The following PDE7B variants were observed in gnomAD, a reference collection of about 807,000 sequenced individuals.
PDE7B encodes the protein 3',5'-cyclic-AMP phosphodiesterase 7B.
In PDE7B, 29 loss-of-function variants were observed where a neutral mutation model predicts 56.2. That is an observed-to-expected ratio of 0.52 (90% confidence interval 0.38 to 0.70). The LOEUF is 0.70. PDE7B is among the 30% of genes least tolerant of loss of function. The pLI is 0.00. For missense variants in PDE7B, 490 were observed against 565.0 expected (o/e 0.87, Z 1.35); for synonymous variants, 197 against 196.9 (o/e 1.00, Z 0.00).
chr6:136,027,364 T>A (rs1349029787), intron 2 of PDE7B, among the ~76,000 whole-genome samples: 2 of 152,224 alleles, frequency 1.3e-5, no homozygotes, highest in Non-Finnish European at 2.9e-5. Flanking sequence ...AGGAACACAG[T>A]AACAACTCAC....
At chr6:135,982,823 G>T (rs1775318646) in intron 2 of PDE7B, among the ~76,000 whole-genome samples, 1 of 152,014 alleles carries the variant, frequency 6.6e-6, no homozygotes, top group South Asian at 2.1e-4. Flanking sequence ...CTGGCTCCTG[G>T]ATACTCATCA....
intron 3 of PDE7B, among the ~76,000 whole-genome samples, chr6:136,118,933 C>T (rs114939992): frequency 0.023 from 3,455 of 152,150 alleles, 160 homozygotes; most frequent in African/African-American, 0.077. Context: ...TCTAATATTC[C>T]TGCCACTCTG....
At chr6:135,853,591 T>A (rs1432266791) in intron 1 of PDE7B, among the ~76,000 whole-genome samples, 1 of 152,182 alleles carries the variant, frequency 6.6e-6, no homozygotes, top group Non-Finnish European at 1.5e-5. Flanking sequence ...TAGTTGCAAC[T>A]CCAAAAACTG....
chr6:136,163,918 T>C (rs952591272), intron 8 of PDE7B, among the ~76,000 whole-genome samples: 3 of 152,222 alleles, frequency 2.0e-5, no homozygotes, highest in Non-Finnish European at 2.9e-5. Context: ...GGCAAAGCCA[T>C]ACAACAAGTC....
At chr6:136,119,566 G>A (rs1470973068) in intron 3 of PDE7B, among the ~76,000 whole-genome samples, 1 of 152,170 alleles carries the variant, frequency 6.6e-6, no homozygotes, top group East Asian at 1.9e-4. Context: ...AGCTATGTAA[G>A]CTACTTTGCT....
At chr6:136,179,817 T>C (rs1779034803) in intron 10 of PDE7B, among the ~76,000 whole-genome samples, 5 of 152,244 alleles carry the variant, frequency 3.3e-5, no homozygotes, top group Admixed American at 3.3e-4. Context: ...CATTTTTATC[T>C]GGTCTTATTT....
chr6:135,866,424 C>T (rs1419794901), intron 1 of PDE7B, among the ~76,000 whole-genome samples: 2 of 152,118 alleles, frequency 1.3e-5, no homozygotes, highest in Non-Finnish European at 2.9e-5. Flanking sequence ...AAAAGCATTA[C>T]AATCTCATCA....
intron 2 of PDE7B, among the ~76,000 whole-genome samples, chr6:136,019,945 G>A (rs539493771): frequency 9.9e-5 from 15 of 152,280 alleles, no homozygotes; most frequent in Non-Finnish European, 1.8e-4. Flanking sequence ...TCTCAGGGTA[G>A]CAAGAAGAGA....
At chr6:135,930,672 A>G (rs1774278371) in intron 1 of PDE7B, among the ~76,000 whole-genome samples, 1 of 152,188 alleles carries the variant, frequency 6.6e-6, no homozygotes. Flanking sequence ...GAGAGAAAGG[A>G]TTAAATCAAG....
chr6:136,160,905 T>TA (rs1778692858), intron 8 of PDE7B, among the ~76,000 whole-genome samples: 1 of 151,970 alleles, frequency 6.6e-6, no homozygotes, highest in Admixed American at 6.6e-5. Flanking sequence ...ACAAAACAAA[T>TA]AAAAAAGTCT....
At chr6:136,043,803 T>C (rs1162420236) in intron 2 of PDE7B, 1 of 152,212 alleles carries the variant, frequency 6.6e-6, no homozygotes, top group Non-Finnish European at 1.5e-5. Flanking sequence ...CATTCTATTC[T>C]GTGATTTAGA....
At chr6:135,857,826 AG>A (rs1355396201) in intron 1 of PDE7B, among the ~76,000 whole-genome samples, 1 of 152,132 alleles carries the variant, frequency 6.6e-6, no homozygotes, top group African/African-American at 2.4e-5. Flanking sequence ...TATTAAGTGG[AG>A]GGGGGAAGCT....
In PDE7B at chr6:135,962,868, C is replaced by A. The variant is rs1048290363; in HGVS notation, c.82+15344C>A. Among the ~76,000 whole-genome samples the A allele has an allele frequency of 3.3e-5, 5 of 152,134 alleles. No individual in the cohort carries two copies. In the South Asian group the frequency reaches 8.3e-4, roughly 25 times the overall value. ...GGGCATGTGACCCAAAAATCCAGTA[C>A]CTTGTATCATAGATCAACATGCCAC... On this transcript the variant is annotated intron_variant, in intron 2 of 12. Coordinates refer to ENST00000308191, the MANE Select transcript of PDE7B (RefSeq NM_018945.4).
chr6:136,172,394 G>C (rs539307588), intron 8 of PDE7B, among the ~76,000 whole-genome samples: 44 of 152,142 alleles, frequency 2.9e-4, no homozygotes, highest in Admixed American at 2.3e-3. Flanking sequence ...GCCAGTGATG[G>C]TGAGCATTTA....
In PDE7B at chr6:135,999,803, A is replaced by G. The variant is rs983323286; in HGVS notation, c.82+52279A>G. 3.9e-5 allele frequency among the ~76,000 whole-genome samples: 6 copies of G among 152,202 alleles called. No homozygotes were observed. In the South Asian group the frequency reaches 1.2e-3, roughly 31 times the overall value. On this transcript the variant is annotated intron_variant, in intron 2 of 12. Coordinates refer to ENST00000308191, the MANE Select transcript of PDE7B (RefSeq NM_018945.4). ...CAGTAATGAGATTGCTGGGCCGAAT[A>G]GTAGTTCTGATTTTAGCCCTTTGAG...
At chr6:135,972,555 C>T (rs1351706257) in intron 2 of PDE7B, among the ~76,000 whole-genome samples, 1 of 152,112 alleles carries the variant, frequency 6.6e-6, no homozygotes, top group Non-Finnish European at 1.5e-5. Flanking sequence ...AATCTACCTC[C>T]CTCTTCCTGC....
chr6:136,082,168 A>G (rs1294700511), intron 2 of PDE7B, among the ~76,000 whole-genome samples: 2 of 152,316 alleles, frequency 1.3e-5, no homozygotes, highest in Non-Finnish European at 2.9e-5. Context: ...ATTGATGTCA[A>G]TGGGAATTAC....
chr6:136,028,175 G>C (rs1776185312), intron 2 of PDE7B, among the ~76,000 whole-genome samples: 1 of 152,154 alleles, frequency 6.6e-6, no homozygotes, highest in Admixed American at 6.5e-5. Flanking sequence ...GAGACGTTAA[G>C]TTAAGAAGTA....
At chr6:136,166,990 C>G (rs115519772) in intron 8 of PDE7B, among the ~76,000 whole-genome samples, 2 of 152,224 alleles carry the variant, frequency 1.3e-5, no homozygotes, top group African/African-American at 4.8e-5. Context: ...TACTTCCCCT[C>G]TCTCGCTGTG....
Sources: allele counts gnomAD v4.1 joint callset (sites outside exome capture counted in the v4.1 genomes callset), GRCh38; gene constraint gnomAD v4.1.1; transcripts MANE v1.5; gene names NCBI Gene and HGNC (gene_info 2026-07-23, HGNC 2026-07-21).